Variants in GPC1 observed in about 807,000 individuals in gnomAD.
GPC1 encodes the protein glypican-1.
GPC1 carries 26 observed loss-of-function variants against 51.5 expected under a neutral mutation model. The ratio of observed to expected loss-of-function variants is 0.50; its 90% CI spans 0.37 to 0.70. GPC1 has a LOEUF of 0.70. Among genes scored for constraint, GPC1 ranks in the 30% least tolerant of loss-of-function variants. GPC1 has a pLI of 0.00. For missense variants in GPC1, 775 were observed against 800.5 expected (o/e 0.97, Z 0.38); for synonymous variants, 380 against 348.3 (o/e 1.09, Z -1.01).
intron 1 of GPC1, among the ~76,000 whole-genome samples, chr2:240,438,562 G>C (rs1275031386): frequency 6.6e-6 from 1 of 152,188 alleles, no homozygotes; most frequent in African/African-American, 2.4e-5. Flanking sequence ...TCCTCAGAGG[G>C]AATGCGAACC....
chr2:240,454,218 G>A (rs991562019), intron 1 of GPC1, among the ~76,000 whole-genome samples: 2 of 152,236 alleles, frequency 1.3e-5, no homozygotes, highest in African/African-American at 2.4e-5. Flanking sequence ...TCAGACGTCA[G>A]GAGCCCAGGC....
intron 1 of GPC1, chr2:240,453,058 C>G (rs1038883206): frequency 9.0e-6 from 3 of 332,586 alleles, no homozygotes; most frequent in African/African-American, 4.6e-5. Context: ...AAGCCAGGCC[C>G]GAGGACCTCT....
intron 1 of GPC1, chr2:240,454,803 T>G (rs1310998043): frequency 1.3e-5 from 2 of 158,070 alleles, no homozygotes; most frequent in East Asian, 3.8e-4. Flanking sequence ...GGCGCCATCA[T>G]CTCTCTGCAT....
intron 1 of GPC1, among the ~76,000 whole-genome samples, chr2:240,440,789 G>T (rs1459347549): frequency 6.6e-6 from 1 of 151,828 alleles, no homozygotes; most frequent in Non-Finnish European, 1.5e-5. Flanking sequence ...GCTCCTCCTG[G>T]CCTCCCTGCC....
At chr2:240,439,903 C>G (rs1020144460) in intron 1 of GPC1, among the ~76,000 whole-genome samples, 1 of 152,220 alleles carries the variant, frequency 6.6e-6, no homozygotes, top group Admixed American at 6.5e-5. Flanking sequence ...CCCAGGGGAG[C>G]CCTGATCCGA....
At chr2:240,456,977 C>A (rs1403213481) in intron 1 of GPC1, among the ~76,000 whole-genome samples, 1 of 152,160 alleles carries the variant, frequency 6.6e-6, no homozygotes. Flanking sequence ...CCCACAAGGC[C>A]CTCCTGGCCC....
intron 1 of GPC1, among the ~76,000 whole-genome samples, chr2:240,453,718 C>T (rs1432848488): frequency 6.6e-6 from 1 of 151,370 alleles, no homozygotes; most frequent in Non-Finnish European, 1.5e-5. Context: ...GGCGCTGCTG[C>T]GTGTCCAGAC....
intron 8 of GPC1, 112 bp downstream of exon 8, chr2:240,465,760 A>G (rs1314575677): frequency 3.4e-6 from 3 of 874,582 alleles, no homozygotes; most frequent in Non-Finnish European, 5.3e-6. Flanking sequence ...CTCCGGCATC[A>G]CCACAGTGAG....
At chr2:240,460,995 A>C (rs2074210446) in intron 2 of GPC1, among the ~76,000 whole-genome samples, 1 of 152,074 alleles carries the variant, frequency 6.6e-6, no homozygotes, top group South Asian at 2.1e-4. Flanking sequence ...CCGCCCCCCC[A>C]CCAGCCTTCA....
intron 1 of GPC1, among the ~76,000 whole-genome samples, chr2:240,446,253 G>C (rs1026719045): frequency 1.3e-5 from 2 of 152,172 alleles, no homozygotes; most frequent in Non-Finnish European, 2.9e-5. Flanking sequence ...TCTGCCTGCC[G>C]TGCGAGTGAG....
At chr2:240,439,684 G>A (rs1325468370) in intron 1 of GPC1, among the ~76,000 whole-genome samples, 2 of 152,174 alleles carry the variant, frequency 1.3e-5, no homozygotes, top group Non-Finnish European at 2.9e-5. Flanking sequence ...GCCCGGGAGA[G>A]CCCACCAGCA....
chr2:240,443,536 A>C (rs1212358793), intron 1 of GPC1, among the ~76,000 whole-genome samples: 1 of 152,098 alleles, frequency 6.6e-6, no homozygotes, highest in African/African-American at 2.4e-5. Context: ...GAGACCTCCC[A>C]GGGCTGTGGT....
chr2:240,452,913 T>G (rs1168360006), intron 1 of GPC1: 2 of 281,254 alleles, frequency 7.1e-6, no homozygotes, highest in African/African-American at 4.7e-5. Flanking sequence ...GCTTTTCGCC[T>G]CCTGCGAGCC....
intron 2 of GPC1, among the ~76,000 whole-genome samples, chr2:240,461,462 G>T (rs896120791): frequency 6.6e-6 from 1 of 152,302 alleles, no homozygotes; most frequent in Admixed American, 6.5e-5. Flanking sequence ...GAAGTCCAGG[G>T]TCCCATCTAG....
chr2:240,452,867 G>A, intron 1 of GPC1: 2 of 217,474 alleles, frequency 9.2e-6, no homozygotes, highest in Non-Finnish European at 1.8e-5. Flanking sequence ...TCTCCCGCGC[G>A]CCCGGCGGAC....
At chr2:240,445,572 G>A (rs1449110850) in intron 1 of GPC1, among the ~76,000 whole-genome samples, 1 of 152,184 alleles carries the variant, frequency 6.6e-6, no homozygotes, top group African/African-American at 2.4e-5. Context: ...GACTGTGGTG[G>A]CCAAACACCA....
chr2:240,464,803 A>T, intron 5 of GPC1, 53 bp from the exon 6 acceptor site: 7 of 1,569,992 alleles, frequency 4.5e-6, no homozygotes, highest in South Asian at 1.2e-5. Context: ...ATGTGGCCCC[A>T]TTGGGCTTGA....
chr2:240,436,006 C>G lies in GPC1; in HGVS notation c.88C>G (p.Arg30Gly), dbSNP rs761864651. Residue 30 changes from arginine (R) to glycine (G), a missense_variant, in exon 1 of 9, where the codon CGG becomes GGG. Transcript: ENST00000264039. ...CARGDPASKS[R>G]SCGEVRQIYG... is the part of the protein sequence containing the mutation. ...CCGCGGGGACCCGGCCAGCAAGAGC[C>G]GGAGCTGCGGCGAGGTCCGCCAGAT... The G allele has an allele frequency of 1.7e-4, 236 of 1,383,614 alleles. No individual in the cohort carries two copies. The highest frequency in any genetic ancestry group is 2.1e-4 in the Non-Finnish European group (228 of 1,066,054). 85.7% of individuals were successfully genotyped at this position (1,383,614 alleles called of 1,614,324 possible).
chr2:240,446,034 C>T (rs559984921), intron 1 of GPC1, among the ~76,000 whole-genome samples: 3 of 152,234 alleles, frequency 2.0e-5, no homozygotes, highest in Non-Finnish European at 2.9e-5. Flanking sequence ...CCTGAGAAAG[C>T]GTCTGCGGCT....
Sources: gnomAD v4.1 joint callset for allele counts (sites outside exome capture counted in the v4.1 genomes callset) on GRCh38, gnomAD v4.1.1 for gene constraint, MANE v1.5 for transcripts, NCBI Gene and HGNC (gene_info 2026-07-23, HGNC 2026-07-21) for gene names.